Variants in ADCY3 observed in about 807,000 individuals in gnomAD.
ADCY3 encodes adenylate cyclase 3.
ADCY3 carries 70 observed loss-of-function variants against 119.4 expected under a neutral mutation model. The observed-to-expected ratio is 0.59, with a 90% CI of 0.48 to 0.72. The LOEUF (loss-of-function observed/expected upper bound fraction) is 0.72. Among genes scored for constraint, ADCY3 ranks in the 30% least tolerant of loss-of-function variants. The probability of loss-of-function intolerance (pLI) is 0.00; values close to 1 mark genes in which losing one functional copy is unlikely to be tolerated. For synonymous variants in ADCY3, 672 were observed against 621.4 expected, an observed-to-expected ratio of 1.08 and a Z score of -1.21; for missense variants, 1,238 against 1,541.6, an observed-to-expected ratio of 0.80 and a Z score of 3.30.
chr2:24,863,353 C>T (rs1302934257), intron 3 of ADCY3, among the ~76,000 whole-genome samples: 2 of 152,178 alleles, frequency 1.3e-5, no homozygotes, highest in African/African-American at 4.8e-5. Flanking sequence ...CACTTTTCTC[C>T]TGTGCTGGAT....
chr2:24,853,540 G>A (rs1672645245), intron 3 of ADCY3, among the ~76,000 whole-genome samples: 1 of 148,384 alleles, frequency 6.7e-6, no homozygotes, highest in Non-Finnish European at 1.5e-5. Flanking sequence ...TGCGACCTCG[G>A]CTCACTGCAA....
intron 3 of ADCY3, among the ~76,000 whole-genome samples, chr2:24,862,684 C>T (rs1673822042): frequency 6.6e-6 from 1 of 151,946 alleles, no homozygotes; most frequent in Non-Finnish European, 1.5e-5. Flanking sequence ...TACTAAACCA[C>T]TTTCAAGGGG....
At chr2:24,897,343 C>T (rs907602215) in intron 2 of ADCY3, among the ~76,000 whole-genome samples, 3 of 151,870 alleles carry the variant, frequency 2.0e-5, no homozygotes, top group Non-Finnish European at 2.9e-5. Flanking sequence ...AGAATGTACC[C>T]CCACCTCCAT....
chr2:24,870,321 CAAAAA>C (rs34685288), intron 3 of ADCY3, among the ~76,000 whole-genome samples: 15 of 87,282 alleles, frequency 1.7e-4, no homozygotes, highest in Non-Finnish European at 1.8e-4. Flanking sequence ...GACTCCATGT[CAAAAA>C]AAAAAAAAAA....
At chr2:24,827,797 C>G in intron 14 of ADCY3, 105 bp downstream of exon 14, 1 of 1,538,722 alleles carries the variant, frequency 6.5e-7, no homozygotes, top group Non-Finnish European at 8.9e-7. Flanking sequence ...TTGAGGACCC[C>G]TAGTGGCAGA....
At position 24,919,003 on chromosome 2, in the gene ADCY3, C is replaced by T; in HGVS notation, c.-16G>A. 6.5e-7 allele frequency: 1 copy of T among 1,535,608 alleles called. No homozygotes were observed. The highest frequency in any genetic ancestry group is 2.0e-5 in the Admixed American group (1 of 51,010). ...TCCTCGGCATACTGGCTGGTGTCTG[C>T]TACTGGCCCTAGAGAAGTGGACTGG... On this transcript the variant is annotated 5_prime_UTR_variant, in exon 2 of 22. Transcript: ENST00000679454. This position sits in a 1 kb window ranked among gnomAD's most constrained non-coding sequence, Gnocchi z 5.5.
chr2:24,849,744 A>G (rs2148644152), intron 3 of ADCY3, among the ~76,000 whole-genome samples: 1 of 152,222 alleles, frequency 6.6e-6, no homozygotes, highest in East Asian at 1.9e-4. Flanking sequence ...AACCTGACAG[A>G]GGGGAAAGGA....
intron 11 of ADCY3, among the ~76,000 whole-genome samples, chr2:24,833,749 G>C (rs11688862): frequency 0.62 from 93,721 of 152,094 alleles, 29,353 homozygotes; most frequent in East Asian, 0.82. Context: ...CACCACAGTC[G>C]TGAGTGTCCG....
At position 24,848,266 on chromosome 2, in the gene ADCY3, A is replaced by T. The variant is rs111880157; in HGVS notation, c.826-5882T>A. Among the ~76,000 whole-genome samples, 146 of 152,392 alleles carry T rather than the reference A, an allele frequency of 9.6e-4. 1 individual carries two copies. Among genetic ancestry groups the T allele is most frequent in the Non-Finnish European group, 1.6e-3 (106 of 68,046 alleles). ...GCATTCTTAAGCCACAAACAATAGC[A>T]TGAGCAATCTGTGCCTTAAGGACAT... is the stretch of plus-strand genomic sequence containing the variant. On this transcript the variant is annotated intron_variant, in intron 3 of 21. Transcript: ENST00000679454.
intron 2 of ADCY3, among the ~76,000 whole-genome samples, chr2:24,873,580 G>A (rs558576365): frequency 2.0e-5 from 3 of 152,312 alleles, no homozygotes; most frequent in Admixed American, 2.0e-4. Flanking sequence ...GGTAACCTTG[G>A]ATACAGATCT....
In ADCY3 at chr2:24,837,022, A is replaced by T. The variant is rs373995554; in HGVS notation, c.1557T>A (p.Ala519=). The T allele has an allele frequency of 6.2e-7, 1 of 1,613,958 alleles. No individual in the cohort carries two copies. Among genetic ancestry groups the T allele is most frequent in the African/African-American group, 1.3e-5 (1 of 74,922 alleles). ...GGGCAGGGGAGCTGGACTTTGAGGA[A>T]GCTGGTGCTCCATTGGGCAGGGCCT... ...NGSALPNGAP[A]SSKSSSPALI... The change falls in exon 9 of 22, where the codon GCT becomes GCA. Residue 519 remains alanine (A), a synonymous_variant. Transcript: ENST00000679454.
intron 21 of ADCY3, 37 bp from the exon 22 acceptor site, chr2:24,820,151 G>T (rs367721249): frequency 4.0e-6 from 6 of 1,508,412 alleles, no homozygotes; most frequent in African/African-American, 1.4e-5. Context: ...TGGCGTTACG[G>T]GGGGAGCCTA....
At chr2:24,915,130 C>A (rs1231574526) in intron 2 of ADCY3, among the ~76,000 whole-genome samples, 2 of 152,220 alleles carry the variant, frequency 1.3e-5, no homozygotes, top group Non-Finnish European at 2.9e-5. Context: ...CTTCTTCATG[C>A]TGCCAGTGAC....
chr2:24,832,057 AAGGGGG>A (rs1669650475), intron 11 of ADCY3: 10 of 17,612 alleles, frequency 5.7e-4, no homozygotes, highest in South Asian at 4.6e-3. Context: ...GGACCGGGGG[AAGGGGG>A]CAGGGGGCAG....
At chr2:24,861,250 C>CA (rs67641689) in intron 3 of ADCY3, among the ~76,000 whole-genome samples, 54 of 113,390 alleles carry the variant, frequency 4.8e-4, no homozygotes, top group Admixed American at 7.3e-4. Context: ...GACTCCATCT[C>CA]AAAAAAAAAA....
At chr2:24,884,562 G>A (rs1429480488) in intron 2 of ADCY3, among the ~76,000 whole-genome samples, 5 of 127,424 alleles carry the variant, frequency 3.9e-5, no homozygotes, top group Non-Finnish European at 7.8e-5. Context: ...TGCAACCTCC[G>A]CCTCCCAGGT....
chr2:24,877,886 C>T (rs1259312966), intron 2 of ADCY3: 5 of 471,074 alleles, frequency 1.1e-5, no homozygotes, highest in Non-Finnish European at 2.2e-5. Flanking sequence ...TGGGAGCTGA[C>T]TGCACTGCCC....
intron 8 of ADCY3, among the ~76,000 whole-genome samples, chr2:24,837,302 G>A (rs544958477): frequency 1.3e-5 from 2 of 152,304 alleles, no homozygotes; most frequent in East Asian, 1.9e-4. Context: ...GTGGGAAGGA[G>A]GGCAGGAGCT....
At chr2:24,829,267 T>C (rs1443780919) in intron 13 of ADCY3, among the ~76,000 whole-genome samples, 1 of 152,028 alleles carries the variant, frequency 6.6e-6, no homozygotes, top group Admixed American at 6.5e-5. Context: ...TCTGCCTGCC[T>C]CAGCCTCCCA....
Sources: allele counts gnomAD v4.1 joint callset (sites outside exome capture counted in the v4.1 genomes callset), GRCh38; gene constraint gnomAD v4.1.1; non-coding constraint Gnocchi (gnomAD v3.1); transcripts MANE v1.5; gene names NCBI Gene and HGNC (gene_info 2026-07-23, HGNC 2026-07-21).